Variants in NKAIN2 observed in about 807,000 individuals in gnomAD.
NKAIN2 encodes the protein sodium/potassium-transporting ATPase subunit beta-1-interacting protein 2.
Under a neutral mutation model 32.6 loss-of-function variants are expected in NKAIN2, and 14 were observed. The ratio of observed to expected loss-of-function variants is 0.43; its 90% CI spans 0.28 to 0.67. NKAIN2 has a LOEUF of 0.67. Ranked by LOEUF, NKAIN2 falls within the 30% of genes least tolerant of loss-of-function variation. NKAIN2 has a pLI of 0.17. For synonymous variants in NKAIN2, 80 were observed against 87.2 expected, an observed-to-expected ratio of 0.92 and a Z score of 0.46; for missense variants, 198 against 258.3, an observed-to-expected ratio of 0.77 and a Z score of 1.60.
intron 1 of NKAIN2, among the ~76,000 whole-genome samples, chr6:123,976,372 C>T (rs1441992116): frequency 5.5e-4 from 6 of 10,922 alleles, no homozygotes; most frequent in Non-Finnish European, 1.1e-3. Flanking sequence ...TATATATTCC[C>T]ATATATATAT....
At chr6:123,918,728 T>G (rs1464312791) in intron 1 of NKAIN2, among the ~76,000 whole-genome samples, 1 of 152,160 alleles carries the variant, frequency 6.6e-6, no homozygotes, top group East Asian at 1.9e-4. Context: ...AAGACTGGCC[T>G]TCCTTATAAT....
At chr6:124,236,154 A>T (rs182299020) in intron 1 of NKAIN2, among the ~76,000 whole-genome samples, 1 of 152,220 alleles carries the variant, frequency 6.6e-6, no homozygotes, top group Admixed American at 6.5e-5. Flanking sequence ...AACTCTATTA[A>T]ATCCATTTTT....
At chr6:124,424,006 T>G (rs1392496950) in intron 3 of NKAIN2, among the ~76,000 whole-genome samples, 2 of 152,212 alleles carry the variant, frequency 1.3e-5, no homozygotes, top group African/African-American at 4.8e-5. Context: ...CTTTTTTATT[T>G]TTTTGAGACA....
intron 1 of NKAIN2, among the ~76,000 whole-genome samples, chr6:123,932,267 A>G (rs749087202): frequency 2.0e-5 from 3 of 152,106 alleles, no homozygotes; most frequent in East Asian, 3.8e-4. Context: ...GAGACCCTCA[A>G]TGTCCATAAT....
chr6:124,348,289 G>T lies in NKAIN2; in HGVS notation c.193-6978G>T, dbSNP rs562345492. On this transcript the variant is annotated intron_variant, in intron 2 of 6. Coordinates refer to ENST00000368417, the MANE Select transcript of NKAIN2 (RefSeq NM_001040214.3). ...GCTGCTCGGGGGTCAGGGGTCAGGGGCCCACTTGAGGAGGCAGTCTGCCCG... is the reference window on the plus strand; with the variant it reads ...GCTGCTCGGGGGTCAGGGGTCAGGGTCCCACTTGAGGAGGCAGTCTGCCCG... Among the ~76,000 whole-genome samples, 818 of 152,124 alleles carry T rather than the reference G, an allele frequency of 5.4e-3. 3 individuals carry two copies. The highest frequency in any genetic ancestry group is 8.3e-3 in the Non-Finnish European group (562 of 67,984).
At chr6:124,788,441 A>T (rs1197726197) in intron 4 of NKAIN2, among the ~76,000 whole-genome samples, 2 of 152,092 alleles carry the variant, frequency 1.3e-5, no homozygotes, top group East Asian at 3.9e-4. Flanking sequence ...TAATAAAGAC[A>T]TACCCGAGAC....
chr6:123,941,752 G>A (rs967477314), intron 1 of NKAIN2, among the ~76,000 whole-genome samples: 2 of 151,942 alleles, frequency 1.3e-5, no homozygotes, highest in African/African-American at 4.8e-5. Context: ...TCAGAAAGAA[G>A]CCTGGATAAA....
chr6:124,164,043 A>T (rs928983288), intron 1 of NKAIN2, among the ~76,000 whole-genome samples: 3 of 151,840 alleles, frequency 2.0e-5, no homozygotes, highest in Non-Finnish European at 2.9e-5. Flanking sequence ...TTTGCTTTTT[A>T]AAAAAAATTT....
intron 4 of NKAIN2, among the ~76,000 whole-genome samples, chr6:124,784,600 G>T (rs2114793057): frequency 6.6e-6 from 1 of 152,178 alleles, no homozygotes; most frequent in African/African-American, 2.4e-5. Flanking sequence ...CATGGTATGG[G>T]TATACCAGTT....
intron 1 of NKAIN2, among the ~76,000 whole-genome samples, chr6:124,205,674 A>G (rs1361569034): frequency 6.6e-6 from 1 of 151,640 alleles, no homozygotes; most frequent in Non-Finnish European, 1.5e-5. Context: ...TCACATTTAC[A>G]GAGGATACTT....
At chr6:124,181,411 C>A (rs193030146) in intron 1 of NKAIN2, among the ~76,000 whole-genome samples, 176 of 152,288 alleles carry the variant, frequency 1.2e-3, no homozygotes, top group African/African-American at 2.9e-3. Flanking sequence ...CAAATTTCTG[C>A]AGCTGGCTTA....
intron 1 of NKAIN2, among the ~76,000 whole-genome samples, chr6:124,253,899 C>A (rs933798301): frequency 2.0e-5 from 3 of 148,706 alleles, no homozygotes; most frequent in Non-Finnish European, 4.4e-5. Context: ...GTTGCATAAA[C>A]CTCCACTCCC....
chr6:124,633,207 C>CTTAATAAAAATAACTTGATGCAGTTA, intron 3 of NKAIN2, among the ~76,000 whole-genome samples: 1 of 152,158 alleles, frequency 6.6e-6, no homozygotes, highest in South Asian at 2.1e-4. Flanking sequence ...TAGTCTTATC[C>CTTAATAAAAATAACTTGATGCAGTTA]TTAATAAAAA....
At chr6:123,989,368 T>A (rs1779316449) in intron 1 of NKAIN2, among the ~76,000 whole-genome samples, 1 of 152,194 alleles carries the variant, frequency 6.6e-6, no homozygotes, top group African/African-American at 2.4e-5. Context: ...TGAGAAGTAG[T>A]TCAAGGACTT....
At chr6:124,471,726 T>C (rs772991338) in intron 3 of NKAIN2, among the ~76,000 whole-genome samples, 6 of 152,158 alleles carry the variant, frequency 3.9e-5, no homozygotes, top group Non-Finnish European at 7.4e-5. Flanking sequence ...AGATACTCAA[T>C]GAGAAGTTCT....
intron 1 of NKAIN2, among the ~76,000 whole-genome samples, chr6:124,227,836 G>GAAA (rs1305456523): frequency 6.6e-6 from 1 of 152,094 alleles, no homozygotes; most frequent in Non-Finnish European, 1.5e-5. Flanking sequence ...GGTGAAGGGA[G>GAAA]AAAAATAAAA....
At chr6:124,431,950 G>T (rs1775235602) in intron 3 of NKAIN2, among the ~76,000 whole-genome samples, 1 of 152,166 alleles carries the variant, frequency 6.6e-6, no homozygotes, top group African/African-American at 2.4e-5. Context: ...GTAAAGGCCA[G>T]AATCGTTGTT....
chr6:124,155,590 T>C (rs1164240782), intron 1 of NKAIN2, among the ~76,000 whole-genome samples: 1 of 151,542 alleles, frequency 6.6e-6, no homozygotes, highest in African/African-American at 2.4e-5. Context: ...GTGTGTAATA[T>C]ATGCTATCTT....
chr6:124,052,187 A>T (rs556843622), intron 1 of NKAIN2, among the ~76,000 whole-genome samples: 3 of 152,110 alleles, frequency 2.0e-5, no homozygotes, highest in Non-Finnish European at 4.4e-5. Context: ...CATGTTATAG[A>T]TGAAGAATCT....
Sources: allele counts gnomAD v4.1 joint callset (sites outside exome capture counted in the v4.1 genomes callset), GRCh38; gene constraint gnomAD v4.1.1; transcripts MANE v1.5; gene names NCBI Gene and HGNC (gene_info 2026-07-23, HGNC 2026-07-21).